The following CHRNG variants were observed in gnomAD, a reference collection of about 807,000 sequenced individuals.
The protein encoded by CHRNG is cholinergic receptor nicotinic gamma subunit, also known as acetylcholine receptor subunit gamma.
CHRNG carries 72 observed loss-of-function variants against 65.2 expected under a neutral mutation model. The observed-to-expected ratio is 1.10, with a 90% CI of 0.91 to 1.34. CHRNG has a LOEUF of 1.34. Among genes scored for constraint, CHRNG ranks in the 40% most tolerant of loss-of-function variants. The pLI is 0.00. For missense variants in CHRNG, 637 were observed against 680.1 expected (o/e 0.94, Z 0.70); for synonymous variants, 284 against 290.2 (o/e 0.98, Z 0.22).
At chr2:232,543,730 C>G (rs376907664) in intron 9 of CHRNG, 31 bp downstream of exon 9, 1 of 1,310,202 alleles carries the variant, frequency 7.6e-7, no homozygotes, top group Non-Finnish European at 1.1e-6. Flanking sequence ...CTTCAACATC[C>G]CGCTGCCCAC....
intron 5 of CHRNG, among the ~76,000 whole-genome samples, chr2:232,542,052 C>T (rs930256501): frequency 6.6e-6 from 1 of 152,162 alleles, no homozygotes; most frequent in Non-Finnish European, 1.5e-5. Flanking sequence ...CATGAGCAAA[C>T]CTGGCAGGGA....
rs1231268546 is a variant in CHRNG, at chr2:232,546,639, C to T, written c.*923C>T. ...GGCATAAGCCACTGTACCTGGCCTC[C>T]TTTTTAATTAAGAGCTCCTCACAGC... On this transcript the variant is annotated 3_prime_UTR_variant, in exon 12 of 12. Coordinates refer to ENST00000651502, the MANE Select transcript of CHRNG (RefSeq NM_005199.5). Among the ~76,000 whole-genome samples the T allele has an allele frequency of 6.6e-6, 1 of 152,028 alleles. No individual in the cohort carries two copies. Among genetic ancestry groups the T allele is most frequent in the African/African-American group, 2.4e-5 (1 of 41,396 alleles).
At position 232,540,697 on chromosome 2, in the gene CHRNG, C is replaced by T. The variant is rs1025265376; in HGVS notation, c.336C>T (p.Ile112=). ...VPSTMVWRPD[I]VLENNVDGVF... ...CCACCATGGTGTGGCGGCCGGATAT[C>T]GTGCTGGAGAACAAGTGAGGAGGGG... Residue 112 remains isoleucine (I), a synonymous_variant, in exon 4 of 12, where the codon ATC becomes ATT. Transcript: ENST00000651502. This position sits in a 1 kb window ranked among gnomAD's most constrained non-coding sequence, Gnocchi z 4.2. The T allele has an allele frequency of 8.1e-6, 13 of 1,611,234 alleles. No individual in the cohort carries two copies. The highest frequency in any genetic ancestry group is 5.0e-5 in the Admixed American group (3 of 59,886).
rs1349910924 is a variant in CHRNG, at chr2:232,543,575, A to C, written c.921-10A>C. On this transcript the variant is annotated splice_polypyrimidine_tract_variant and intron_variant, in intron 8 of 11. Transcript: ENST00000651502. Reference sequence around the variant, plus strand: ...TGGGCTGCCAGCTCCTGCCCACCCCACCCTGACAGGTACCTGACCTTCCTC... The same window carrying C: ...TGGGCTGCCAGCTCCTGCCCACCCCCCCCTGACAGGTACCTGACCTTCCTC... 6.3e-7 allele frequency: 1 copy of C among 1,579,522 alleles called. No homozygotes were observed. Among genetic ancestry groups the C allele is most frequent in the African/African-American group, 1.4e-5 (1 of 74,062 alleles).
In CHRNG at chr2:232,541,791, T is replaced by A; in HGVS notation, c.506+262T>A. 1 of 563,244 alleles carries A rather than the reference T, an allele frequency of 1.8e-6. No homozygotes were observed. Among genetic ancestry groups the A allele is most frequent in the Non-Finnish European group, 3.2e-6 (1 of 313,336 alleles). 34.9% of individuals were successfully genotyped at this position (563,244 alleles called of 1,614,324 possible). Reference sequence around the variant, plus strand: ...TGCTCCAAGGGGAGACATTCACGCCTGGGGTGCGTGGGTGAGAAGGCACAC... The same window carrying A: ...TGCTCCAAGGGGAGACATTCACGCCAGGGGTGCGTGGGTGAGAAGGCACAC... On this transcript the variant is annotated intron_variant, in intron 5 of 11. Coordinates refer to ENST00000651502, the MANE Select transcript of CHRNG (RefSeq NM_005199.5). This position sits in a 1 kb window ranked among gnomAD's most constrained non-coding sequence, Gnocchi z 4.0.
rs747067203 is a variant in CHRNG, at chr2:232,541,423, CCT to C, written c.401_402del (p.Pro134ArgfsTer43). On this transcript the variant is annotated frameshift_variant, in exon 5 of 12. Coordinates refer to ENST00000651502, the MANE Select transcript of CHRNG (RefSeq NM_005199.5). LOFTEE classifies it high-confidence loss of function. The surrounding 1 kb of genome is among the most constrained non-coding windows in gnomAD (Gnocchi z 4.0). ...VALYCNVLVS[P>X]DGCIYWLPPA... is the part of the protein sequence containing the mutation. ...CCTCTACTGCAATGTGCTCGTGTCCCCTGACGGCTGTATCTACTGGCTGCCGC... is the reference window on the plus strand; with the variant it reads ...CCTCTACTGCAATGTGCTCGTGTCCCGACGGCTGTATCTACTGGCTGCCGC... The C allele has an allele frequency of 9.0e-5, 146 of 1,614,004 alleles. No homozygotes were observed. The highest frequency in any genetic ancestry group is 1.0e-4 in the Non-Finnish European group (121 of 1,180,004).
Position 232,540,160 on chromosome 2 carries a change from C to T in CHRNG, c.195+29C>T, listed in dbSNP as rs755877866. The stretch of plus-strand genomic sequence containing the variant: ...AGCCGCAGGACGGAGGAGGGGTCAG[C>T]GCACCACGCCCTGGGACCTGCTGGG... On this transcript the variant is annotated intron_variant, in intron 2 of 11. Transcript: ENST00000651502. This position sits in a 1 kb window ranked among gnomAD's most constrained non-coding sequence, Gnocchi z 4.2. The T allele has an allele frequency of 1.9e-5, 31 of 1,614,114 alleles. No homozygotes were observed. The South Asian group carries it at 2.3e-4, about 12-fold the overall frequency.
rs1692004949 is a variant in CHRNG, at chr2:232,541,081, A to T, written c.351-293A>T. Among the ~76,000 whole-genome samples, 1 of 150,616 alleles carries T rather than the reference A, an allele frequency of 6.6e-6. No individual in the cohort carries two copies. The highest frequency in any genetic ancestry group is 1.5e-5 in the Non-Finnish European group (1 of 67,548). On this transcript the variant is annotated intron_variant, in intron 4 of 11. Coordinates refer to ENST00000651502, the MANE Select transcript of CHRNG (RefSeq NM_005199.5). The surrounding 1 kb of genome is among the most constrained non-coding windows in gnomAD (Gnocchi z 4.0). Reference sequence around the variant, plus strand: ...GCACATGGTGTGGGCTTAACACATTAGTCGCTATTATGACTATTATTATTA... The same window carrying T: ...GCACATGGTGTGGGCTTAACACATTTGTCGCTATTATGACTATTATTATTA...
Position 232,541,567 on chromosome 2 carries a change from C to T in CHRNG, c.506+38C>T, listed in dbSNP as rs973622771. 6.2e-6 allele frequency: 10 copies of T among 1,608,768 alleles called. No homozygotes were observed. The highest frequency in any genetic ancestry group is 8.5e-6 in the Non-Finnish European group (10 of 1,179,344). On this transcript the variant is annotated intron_variant, in intron 5 of 11. Coordinates refer to ENST00000651502, the MANE Select transcript of CHRNG (RefSeq NM_005199.5). The surrounding 1 kb of genome is among the most constrained non-coding windows in gnomAD (Gnocchi z 4.0). ...ATTGGGGAGGATTAAGAGAGCTGCT[C>T]TCAGAGGGGCCTGGGCAGTGGTGGG... is the stretch of plus-strand genomic sequence containing the variant.
At position 232,543,795 on chromosome 2, in the gene CHRNG, A is replaced by G; in HGVS notation, c.1035+96A>G. 5.2e-6 allele frequency: 4 copies of G among 776,144 alleles called. No homozygotes were observed. The South Asian group carries it at 5.7e-5, about 11-fold the overall frequency. 48.1% of individuals were successfully genotyped at this position (776,144 alleles called of 1,614,324 possible). A position where few individuals can be genotyped will look rare whatever the true frequency, so the allele number is the denominator to read the frequency against. ...GCAGTACTCACCTGTGGCATTCCACAGCACACCCATCCTGGGCGTATCTGG... is the reference window on the plus strand; with the variant it reads ...GCAGTACTCACCTGTGGCATTCCACGGCACACCCATCCTGGGCGTATCTGG... On this transcript the variant is annotated intron_variant, in intron 9 of 11. Coordinates refer to ENST00000651502, the MANE Select transcript of CHRNG (RefSeq NM_005199.5).
At position 232,543,735 on chromosome 2, in the gene CHRNG, G is replaced by A. The variant is rs750673627; in HGVS notation, c.1035+36G>A. 63 of 1,282,144 alleles carry A rather than the reference G, an allele frequency of 4.9e-5. 1 individual carries two copies. The highest frequency in any genetic ancestry group is 6.9e-5 in the Non-Finnish European group (61 of 880,070). 79.4% of individuals were successfully genotyped at this position (1,282,144 alleles called of 1,614,324 possible). A position where few individuals can be genotyped will look rare whatever the true frequency, so the allele number is the denominator to read the frequency against. On this transcript the variant is annotated intron_variant, in intron 9 of 11. Coordinates refer to ENST00000651502, the MANE Select transcript of CHRNG (RefSeq NM_005199.5). ...TCCCTGCCCACTTCAACATCCCGCT[G>A]CCCACTCCCCTACGCCTCCCTCTCG...
At position 232,545,988 on chromosome 2, in the gene CHRNG, T is replaced by C. The variant is rs1194001790; in HGVS notation, c.*272T>C. The C allele has an allele frequency of 8.7e-6, 5 of 577,028 alleles. No homozygotes were observed. Among genetic ancestry groups the C allele is most frequent in the African/African-American group, 5.6e-5 (3 of 53,916 alleles). The allele number at this position is 577,028 out of a possible 1,614,324, so 35.7% of individuals were successfully genotyped here. ...TGGCACCAGCCACCCCTCCACTCAGTGCACTCCCCTCACTTAGGCAAAGCA... is the reference window on the plus strand; with the variant it reads ...TGGCACCAGCCACCCCTCCACTCAGCGCACTCCCCTCACTTAGGCAAAGCA... On this transcript the variant is annotated 3_prime_UTR_variant, in exon 12 of 12. Transcript: ENST00000651502.
chr2:232,545,593 C>A lies in CHRNG; in HGVS notation c.1431C>A (p.Phe477Leu), dbSNP rs1156310146. The change falls in exon 12 of 12, where the codon TTC becomes TTA. Residue 477 changes from phenylalanine (F) to leucine (L), a missense_variant. Physicochemically the swap from Phe to Leu is conservative, Grantham distance 22 (BLOSUM62 0). Coordinates refer to ENST00000651502, the MANE Select transcript of CHRNG (RefSeq NM_005199.5). The stretch of plus-strand genomic sequence containing the variant: ...GCCGAGTGCTGGACCGCGTCTGCTT[C>A]CTGGCCATGCTCTCGCTCTTCATCT... ...LVGRVLDRVC[F>L]LAMLSLFICG... 6.2e-7 allele frequency: 1 copy of A among 1,614,142 alleles called. No individual in the cohort carries two copies. Among genetic ancestry groups the A allele is most frequent in the Admixed American group, 1.7e-5 (1 of 60,022 alleles).
At chr2:232,542,790 A>G in intron 6 of CHRNG, 92 bp from the exon 7 acceptor site, 1 of 1,158,274 alleles carries the variant, frequency 8.6e-7, no homozygotes, top group South Asian at 1.3e-5. Flanking sequence ...TCCTTAGGGC[A>G]CATGCTGCCC....
At chr2:232,543,767 C>G in intron 9 of CHRNG, 68 bp downstream of exon 9, 1 of 939,534 alleles carries the variant, frequency 1.1e-6, no homozygotes, top group East Asian at 2.5e-5. Context: ...CTCGCACGCC[C>G]CGGCAGTACT....
chr2:232,543,768 C>G, intron 9 of CHRNG, 69 bp downstream of exon 9: 1 of 929,092 alleles, frequency 1.1e-6, no homozygotes. Flanking sequence ...TCGCACGCCC[C>G]GGCAGTACTC....
Position 232,540,268 on chromosome 2 carries a change from G to T in CHRNG, c.196-113G>T. On this transcript the variant is annotated intron_variant, in intron 2 of 11. Coordinates refer to ENST00000651502, the MANE Select transcript of CHRNG (RefSeq NM_005199.5). The surrounding 1 kb of genome is among the most constrained non-coding windows in gnomAD (Gnocchi z 4.2). ...TGGGGTCTGGAAAACCCCCATGGTTGTGGGGGGAGTACTATCAAGAGGCTG... is the reference window on the plus strand; with the variant it reads ...TGGGGTCTGGAAAACCCCCATGGTTTTGGGGGGAGTACTATCAAGAGGCTG... 2.5e-6 allele frequency: 4 copies of T among 1,589,120 alleles called. No homozygotes were observed. The South Asian group carries it at 4.4e-5, about 18-fold the overall frequency.
Position 232,548,052 on chromosome 2 carries a change from A to C in CHRNG, c.*2336A>C, listed in dbSNP as rs192806094. On this transcript the variant is annotated 3_prime_UTR_variant, in exon 12 of 12. Transcript: ENST00000651502. ...AAGAGTGCAATAGCATTGTCTAATA[A>C]AACAATATACATACCTAAATTTAAA... 4.5e-4 allele frequency: 260 copies of C among 574,576 alleles called. 2 individuals are homozygous for C. The East Asian group carries it at 5.7e-3, about 13-fold the overall frequency. The allele number at this position is 574,576 out of a possible 1,614,324, so 35.6% of individuals were successfully genotyped here.
rs763507518 is a variant in CHRNG, at chr2:232,542,383, C to CT, written c.507-40_507-39insT. On this transcript the variant is annotated intron_variant, in intron 5 of 11. Transcript: ENST00000651502. Reference sequence around the variant, plus strand: ...CATCCCCATGCAGTCGTGGCAGGTCCACCCGCTCACATTTAGCCTCTTTCC... The same window carrying CT: ...CATCCCCATGCAGTCGTGGCAGGTCCTACCCGCTCACATTTAGCCTCTTTCC... The CT allele has an allele frequency of 1.6e-5, 22 of 1,401,942 alleles. No individual in the cohort carries two copies. The Middle Eastern group carries it at 5.3e-4, about 34-fold the overall frequency. 86.8% of individuals were successfully genotyped at this position (1,401,942 alleles called of 1,614,324 possible).
Sources: gnomAD v4.1 joint callset for allele counts (sites outside exome capture counted in the v4.1 genomes callset) on GRCh38, gnomAD v4.1.1 for gene constraint, Gnocchi (gnomAD v3.1) non-coding constraint, MANE v1.5 for transcripts, NCBI Gene and HGNC (gene_info 2026-07-23, HGNC 2026-07-21) for gene names.